OTULIN: variants seen among roughly 807,000 people sequenced by gnomAD.
OTULIN encodes OTU deubiquitinase with linear linkage specificity.
OTULIN carries 15 observed loss-of-function variants against 39.6 expected under a neutral mutation model. The ratio of observed to expected loss-of-function variants is 0.38; its 90% CI spans 0.25 to 0.58. OTULIN has a LOEUF of 0.58. Among genes scored for constraint, OTULIN ranks in the 20% least tolerant of loss-of-function variants. OTULIN has a pLI of 0.66. For missense variants in OTULIN, 319 were observed against 445.9 expected (o/e 0.72, Z 2.56); for synonymous variants, 156 against 170.3 (o/e 0.92, Z 0.65).
Position 14,678,678 on chromosome 5 carries a change from C to T in OTULIN, c.230-3C>T. ...CTTTTTTTTTTTTTAAATTCTTTAA[C>T]AGAACCGAGATTAAGCGTAGCTCCT... On this transcript the variant is annotated splice_region_variant and splice_polypyrimidine_tract_variant and intron_variant, in intron 2 of 6. Coordinates refer to ENST00000284274, the MANE Select transcript of OTULIN (RefSeq NM_138348.6). The T allele has an allele frequency of 1.3e-6, 2 of 1,525,238 alleles. No individual in the cohort carries two copies. The highest frequency in any genetic ancestry group is 2.3e-5 in the East Asian group (1 of 42,980). 94.5% of individuals were successfully genotyped at this position (1,525,238 alleles called of 1,614,324 possible). A position where few individuals can be genotyped will look rare whatever the true frequency, so the allele number is the denominator to read the frequency against.
intron 3 of OTULIN, among the ~76,000 whole-genome samples, chr5:14,679,242 A>G (rs1327647029): frequency 6.6e-6 from 1 of 152,112 alleles, no homozygotes; most frequent in Non-Finnish European, 1.5e-5. Context: ...GCTCCCTTCA[A>G]GATAGTCTCC....
intron 1 of OTULIN, among the ~76,000 whole-genome samples, chr5:14,669,096 G>C (rs751484404): frequency 1.3e-5 from 2 of 152,142 alleles, no homozygotes; most frequent in Non-Finnish European, 2.9e-5. Flanking sequence ...GGGCGCGGTG[G>C]CTCACACCTG....
chr5:14,682,489 A>G (rs756630047), intron 4 of OTULIN, among the ~76,000 whole-genome samples: 5 of 152,154 alleles, frequency 3.3e-5, no homozygotes, highest in Admixed American at 1.3e-4. Flanking sequence ...AAATATTTTT[A>G]AATTAAAAAA....
chr5:14,668,355 G>A (rs1298907123), intron 1 of OTULIN, among the ~76,000 whole-genome samples: 8 of 152,244 alleles, frequency 5.3e-5, no homozygotes, highest in South Asian at 2.1e-4. Flanking sequence ...ACCTCTGGAA[G>A]TCACATGGAG....
chr5:14,665,080 C>T (rs1579955533), intron 1 of OTULIN, 103 bp downstream of exon 1: 1 of 898,238 alleles, frequency 1.1e-6, no homozygotes, highest in Middle Eastern at 5.6e-4. Flanking sequence ...TCCTGGGCGT[C>T]TTCAATTCTG....
At chr5:14,675,501 CTG>C (rs1230335792) in intron 2 of OTULIN, among the ~76,000 whole-genome samples, 10 of 152,212 alleles carry the variant, frequency 6.6e-5, no homozygotes, top group Non-Finnish European at 2.9e-5. Context: ...TGTCTCTACT[CTG>C]TGGTTGTTCA....
intron 3 of OTULIN, among the ~76,000 whole-genome samples, chr5:14,681,245 T>TA (rs1334345060): frequency 1.3e-5 from 2 of 151,830 alleles, no homozygotes; most frequent in African/African-American, 4.8e-5. Context: ...TTTTTTTTTT[T>TA]AAAAGAGTTT....
At chr5:14,688,697 G>T (rs1006038389) in intron 5 of OTULIN, among the ~76,000 whole-genome samples, 1 of 152,162 alleles carries the variant, frequency 6.6e-6, no homozygotes, top group Admixed American at 6.5e-5. Flanking sequence ...AGGGAAGAGG[G>T]AAATTCCATT....
chr5:14,674,429 G>A (rs569484479), intron 2 of OTULIN, among the ~76,000 whole-genome samples: 48 of 152,356 alleles, frequency 3.2e-4, no homozygotes, highest in African/African-American at 1.1e-3. Context: ...TAATGTATAA[G>A]GAGACTTCAA....
At chr5:14,679,862 C>A (rs929495089) in intron 3 of OTULIN, among the ~76,000 whole-genome samples, 2 of 152,112 alleles carry the variant, frequency 1.3e-5, no homozygotes, top group African/African-American at 4.8e-5. Context: ...ACCTGGAATT[C>A]TTAGTTCCTG....
intron 3 of OTULIN, among the ~76,000 whole-genome samples, chr5:14,679,677 T>C (rs1176824100): frequency 6.6e-6 from 1 of 152,232 alleles, no homozygotes; most frequent in African/African-American, 2.4e-5. Context: ...CAGAGCTCAT[T>C]TTTATAGAAA....
intron 4 of OTULIN, among the ~76,000 whole-genome samples, chr5:14,682,710 ATTTTATTTTTATTAT>A (rs1463543363): frequency 7.9e-5 from 12 of 152,174 alleles, no homozygotes; most frequent in Admixed American, 7.9e-4. Context: ...CCCTAGCTGC[ATTTTATTTTTATTAT>A]TTTTATTTTT....
the OTULIN span, chr5:14,711,280 C>T: frequency 6.2e-7 from 1 of 1,614,066 alleles, no homozygotes; most frequent in African/African-American, 1.3e-5. Flanking sequence ...TCTTCCCCCT[C>T]CGTGGCCGAC....
chr5:14,706,827 A>G, the OTULIN span: 1 of 152,188 alleles, frequency 6.6e-6, no homozygotes, highest in Non-Finnish European at 1.5e-5. Flanking sequence ...CACGTTGCTC[A>G]AAAACATGCT....
At chr5:14,712,812 T>C in the OTULIN span, 2 of 1,481,218 alleles carry the variant, frequency 1.4e-6, no homozygotes, top group Non-Finnish European at 9.2e-7. Context: ...CAGTGGCTGC[T>C]CAGGTTCTCC....
At chr5:14,706,165 G>A in the OTULIN span, 2 of 152,160 alleles carry the variant, frequency 1.3e-5, no homozygotes, top group Admixed American at 6.5e-5. Context: ...GTCAAGTCTT[G>A]TTAGTAAAGT....
At chr5:14,672,063 A>G (rs766103360) in intron 1 of OTULIN, among the ~76,000 whole-genome samples, 11 of 152,090 alleles carry the variant, frequency 7.2e-5, no homozygotes, top group South Asian at 4.1e-4. Context: ...CCCCACTCCA[A>G]TCATTGCACT....
the OTULIN span, chr5:14,711,069 A>G: frequency 1.2e-6 from 1 of 839,194 alleles, no homozygotes; most frequent in Non-Finnish European, 2.1e-6. Context: ...AAACCTTTAA[A>G]TCAAGGCCTC....
intron 1 of OTULIN, among the ~76,000 whole-genome samples, chr5:14,670,471 C>T (rs73749585): frequency 6.6e-6 from 1 of 152,096 alleles, no homozygotes; most frequent in Non-Finnish European, 1.5e-5. Flanking sequence ...TCCTCTCTTT[C>T]TGTTTGCTTA....
Sources: allele counts gnomAD v4.1 joint callset (sites outside exome capture counted in the v4.1 genomes callset), GRCh38; gene constraint gnomAD v4.1.1; transcripts MANE v1.5; gene names NCBI Gene and HGNC (gene_info 2026-07-23, HGNC 2026-07-21).